The following GALC variants were observed in gnomAD, a reference collection of about 807,000 sequenced individuals.
GALC encodes the protein galactocerebrosidase.
Under a neutral mutation model 91.8 loss-of-function variants are expected in GALC, and 77 were observed. That is an observed-to-expected ratio of 0.84 (90% confidence interval 0.70 to 1.01). The LOEUF (loss-of-function observed/expected upper bound fraction) is 1.01. Among genes scored for constraint, GALC ranks in the 50% least tolerant of loss-of-function variants. The pLI is 0.00. For missense variants in GALC, 882 were observed against 855.9 expected (o/e 1.03, Z -0.38); for synonymous variants, 357 against 306.7 (o/e 1.16, Z -1.71).
At position 87,947,820 on chromosome 14, in the gene GALC, A is replaced by G; in HGVS notation, c.1397T>C (p.Leu466Pro). Reference sequence around the variant, plus strand: ...TTTGCGACCAGTGGTGAGAGTGGTGAGTGTGAACAGCTCATCTTCATGCAG... The same window carrying G: ...TTTGCGACCAGTGGTGAGAGTGGTGGGTGTGAACAGCTCATCTTCATGCAG... Reference protein sequence around the residue: ...LSLHEDELFTLTTLTTGRKGS... With the variant: ...LSLHEDELFTPTTLTTGRKGS... Residue 466 changes from leucine (L) to proline (P), a missense_variant, in exon 13 of 17, where the codon CTC becomes CCC. Leu to Pro is a moderately conservative substitution (Grantham distance 98). Coordinates refer to ENST00000261304, the MANE Select transcript of GALC (RefSeq NM_000153.4). 1 of 1,612,818 alleles carries G rather than the reference A, an allele frequency of 6.2e-7. No homozygotes were observed. The highest frequency in any genetic ancestry group is 8.5e-7 in the Non-Finnish European group (1 of 1,179,170).
At chr14:87,950,548 C>A in intron 11 of GALC, 111 bp downstream of exon 11, 1 of 713,892 alleles carries the variant, frequency 1.4e-6, no homozygotes, top group Non-Finnish European at 2.4e-6. Context: ...AATTCATATG[C>A]AAACTGTTAA....
rs1885850624 is a variant in GALC at position 87,962,576 on chromosome 14, GATACACACACAC to G, written c.1161+796_1161+807del. ...TAGGCTGACATTCAGAACCTGATAT[GATACACACACAC>G]ACACACACACACACACACACACACA... On this transcript the variant is annotated intron_variant, in intron 10 of 16. Coordinates refer to ENST00000261304, the MANE Select transcript of GALC (RefSeq NM_000153.4). Among the ~76,000 whole-genome samples the G allele has an allele frequency of 2.6e-5, 3 of 114,774 alleles. No homozygotes were observed. In the South Asian group the frequency reaches 1.1e-3, roughly 42 times the overall value. 75.3% of individuals were successfully genotyped at this position (114,774 alleles called of 152,430 possible).
intron 10 of GALC, among the ~76,000 whole-genome samples, chr14:87,962,060 T>C (rs1205907806): frequency 2.0e-5 from 3 of 152,154 alleles, no homozygotes; most frequent in Admixed American, 1.3e-4. Flanking sequence ...AGAACCTGGC[T>C]TGACTTCCCA....
chr14:87,991,051 C>A (rs1186597520), intron 1 of GALC, among the ~76,000 whole-genome samples: 2 of 152,016 alleles, frequency 1.3e-5, no homozygotes, highest in Non-Finnish European at 2.9e-5. Flanking sequence ...AACTGTATCC[C>A]AAAAAAAGAA....
rs779883142 is a variant in GALC at position 87,993,171 on chromosome 14, G to T, written c.-7C>A. On this transcript the variant is annotated 5_prime_UTR_variant, in exon 1 of 17. Coordinates refer to ENST00000261304, the MANE Select transcript of GALC (RefSeq NM_000153.4). ...AGAGTAGCCACTCAGCCATTGTGTG[G>T]GTCACATGACTCCGGCGCCCAGGGA... is the stretch of plus-strand genomic sequence containing the variant. 4 of 1,586,920 alleles carry T rather than the reference G, an allele frequency of 2.5e-6. No homozygotes were observed. Among genetic ancestry groups the T allele is most frequent in the Non-Finnish European group, 3.4e-6 (4 of 1,166,806 alleles).
At chr14:87,984,006 C>T (rs1176483957) in intron 5 of GALC, among the ~76,000 whole-genome samples, 1 of 152,080 alleles carries the variant, frequency 6.6e-6, no homozygotes, top group Admixed American at 6.5e-5. Flanking sequence ...GTTTGCCAAT[C>T]TTTGGCTTAA....
chr14:87,974,920 A>G (rs1194014957), intron 7 of GALC, among the ~76,000 whole-genome samples: 3 of 152,108 alleles, frequency 2.0e-5, no homozygotes, highest in African/African-American at 7.2e-5. Context: ...CAAGTCCTTC[A>G]TGAAGATACA....
At chr14:87,959,155 G>A (rs1389849139) in intron 10 of GALC, among the ~76,000 whole-genome samples, 1 of 152,054 alleles carries the variant, frequency 6.6e-6, no homozygotes, top group Non-Finnish European at 1.5e-5. Flanking sequence ...TTAAAATTGG[G>A]CAAAAGACTG....
chr14:87,934,215 C>A lies in GALC; in HGVS notation c.*517G>T, dbSNP rs570945153. The A allele has an allele frequency of 1.0e-4, 141 of 1,392,830 alleles. No homozygotes were observed. Among genetic ancestry groups the A allele is most frequent in the Non-Finnish European group, 1.2e-4 (131 of 1,076,276 alleles). The allele number at this position is 1,392,830 out of a possible 1,614,324, so 86.3% of individuals were successfully genotyped here. ...TCTTAAAAAGGAAAATAAAAAAATA[C>A]TTTTTAGAGCATAAAGCATAACAGG... On this transcript the variant is annotated 3_prime_UTR_variant, in exon 17 of 17. Transcript: ENST00000261304.
chr14:87,979,094 T>C (rs1179097826), intron 6 of GALC, among the ~76,000 whole-genome samples: 1 of 151,984 alleles, frequency 6.6e-6, no homozygotes, highest in Non-Finnish European at 1.5e-5. Context: ...CAGGCTGGAG[T>C]GCTCACTGAA....
In GALC at chr14:87,992,460, T is replaced by A. The variant is rs577017547; in HGVS notation, c.195+510A>T. On this transcript the variant is annotated intron_variant, in intron 1 of 16. Coordinates refer to ENST00000261304, the MANE Select transcript of GALC (RefSeq NM_000153.4). Reference sequence around the variant, plus strand: ...TACCCTCTCTGGAGGAGCCCATTCTTACCCTGCACTAACAACTGCACGGGA... The same window carrying A: ...TACCCTCTCTGGAGGAGCCCATTCTAACCCTGCACTAACAACTGCACGGGA... 86 of 1,534,422 alleles carry A rather than the reference T, an allele frequency of 5.6e-5. No homozygotes were observed. The South Asian group carries it at 1.0e-3, about 18-fold the overall frequency.
chr14:87,987,785 A>G (rs1887034876), intron 3 of GALC: 1 of 174,776 alleles, frequency 5.7e-6, no homozygotes. Flanking sequence ...ATTTTAAGTT[A>G]ATAACACTTT....
chr14:87,954,442 GA>G, intron 10 of GALC: 1 of 1,590,664 alleles, frequency 6.3e-7, no homozygotes, highest in Middle Eastern at 2.0e-4. Flanking sequence ...AACTGCAAAG[GA>G]AAAAAGGTTA....
chr14:87,966,796 G>A (rs2139998744), intron 8 of GALC, among the ~76,000 whole-genome samples: 1 of 152,088 alleles, frequency 6.6e-6, no homozygotes, highest in East Asian at 1.9e-4. Context: ...ATAGTCATGG[G>A]CATATACAAA....
Position 87,934,751 on chromosome 14 carries a change from A to ATT in GALC, c.2038_2039insAA (p.Leu680GlnfsTer10). On this transcript the variant is annotated frameshift_variant, in exon 17 of 17. Transcript: ENST00000261304. LOFTEE classifies it high-confidence loss of function. ...TAAGTATTAGCGTGTGGCTTCCACA[A>ATT]GAAAGTTGTCAAACTGTGCAAATTC... The ATT allele has an allele frequency of 3.1e-6, 5 of 1,613,248 alleles. No individual in the cohort carries two copies. Among genetic ancestry groups the ATT allele is most frequent in the Non-Finnish European group, 3.4e-6 (4 of 1,179,420 alleles).
At chr14:87,943,680 T>G (rs1181682694) in intron 14 of GALC, among the ~76,000 whole-genome samples, 1 of 151,984 alleles carries the variant, frequency 6.6e-6, no homozygotes, top group Non-Finnish European at 1.5e-5. Context: ...ATCTCCACCA[T>G]AAAGTGGTTG....
At chr14:87,970,360 C>A (rs1232619942) in intron 7 of GALC, among the ~76,000 whole-genome samples, 1 of 152,000 alleles carries the variant, frequency 6.6e-6, no homozygotes, top group Non-Finnish European at 1.5e-5. Context: ...TACTTTTCTA[C>A]ATTTTCCAAA....
chr14:87,970,600 A>G (rs571095760), intron 7 of GALC, among the ~76,000 whole-genome samples: 2 of 151,958 alleles, frequency 1.3e-5, no homozygotes, highest in Non-Finnish European at 2.9e-5. Context: ...AAGGCTCTTT[A>G]AGAATATAAA....
Position 87,934,485 on chromosome 14 carries a change from T to C in GALC, c.*247A>G. 1 of 1,388,086 alleles carries C rather than the reference T, an allele frequency of 7.2e-7. No individual in the cohort carries two copies. The allele number at this position is 1,388,086 out of a possible 1,614,324, so 86.0% of individuals were successfully genotyped here. A position where few individuals can be genotyped will look rare whatever the true frequency, so the allele number is the denominator to read the frequency against. On this transcript the variant is annotated 3_prime_UTR_variant, in exon 17 of 17. Transcript: ENST00000261304. ...AAACCACTCCTAAGGGTATGGCCAA[T>C]GCACAGTTTGAATGTTAGGGAACAC...
Sources: allele counts gnomAD v4.1 joint callset (sites outside exome capture counted in the v4.1 genomes callset), GRCh38; gene constraint gnomAD v4.1.1; transcripts MANE v1.5; gene names NCBI Gene and HGNC (gene_info 2026-07-23, HGNC 2026-07-21).